Variants in KAT7 observed in about 807,000 individuals in gnomAD.
KAT7 encodes the protein histone acetyltransferase KAT7.
In KAT7, 10 loss-of-function variants were observed where a neutral mutation model predicts 82.1. The observed-to-expected ratio is 0.12, with a 90% confidence interval of 0.08 to 0.21. KAT7 has a LOEUF of 0.21. KAT7 is among the 10% of genes least tolerant of loss of function. KAT7 has a pLI of 1.00. For missense variants in KAT7, 378 were observed against 760.9 expected, an observed-to-expected ratio of 0.50 and a Z score of 5.92; for synonymous variants, 250 against 262.5, an observed-to-expected ratio of 0.95 and a Z score of 0.46.
At chr17:49,818,166 C>T (rs765767355) in intron 9 of KAT7, among the ~76,000 whole-genome samples, 155 bp downstream of exon 9, 12 of 152,116 alleles carry the variant, frequency 7.9e-5, no homozygotes, top group Non-Finnish European at 1.6e-4. Flanking sequence ...CAGCTTAAGG[C>T]GGGGTATAGA....
intron 2 of KAT7, among the ~76,000 whole-genome samples, chr17:49,795,838 G>A (rs1032309538): frequency 6.6e-6 from 1 of 152,102 alleles, no homozygotes; most frequent in Non-Finnish European, 1.5e-5. Flanking sequence ...TGTTTATAGG[G>A]CAGTTGTGGT....
intron 1 of KAT7, 123 bp downstream of exon 1, chr17:49,788,972 C>A: frequency 1.1e-6 from 1 of 907,126 alleles, no homozygotes; most frequent in Non-Finnish European, 1.6e-6. Context: ...CCTTGTTCAG[C>A]TACCCTCTCT....
At chr17:49,819,314 C>CT (rs1214146360) in intron 9 of KAT7, among the ~76,000 whole-genome samples, 1 of 152,068 alleles carries the variant, frequency 6.6e-6, no homozygotes, top group Admixed American at 6.6e-5. Context: ...CTGCATAGGG[C>CT]TAGAGTCATG....
At chr17:49,806,651 C>T (rs1165123145) in intron 5 of KAT7, among the ~76,000 whole-genome samples, 4 of 152,194 alleles carry the variant, frequency 2.6e-5, no homozygotes, top group Non-Finnish European at 5.9e-5. Context: ...TGATCTGATA[C>T]TATGGATGGT....
In KAT7 at chr17:49,809,156, G is replaced by C. The variant is rs375058247; in HGVS notation, c.701G>C (p.Arg234Thr). 2.0e-5 allele frequency: 33 copies of C among 1,614,036 alleles called. No individual in the cohort carries two copies. Among genetic ancestry groups the C allele is most frequent in the Non-Finnish European group, 2.3e-5 (27 of 1,180,008 alleles). Reference protein sequence around the residue: ...AQSRDKQIEERMLSHRQDDNN... With the variant: ...AQSRDKQIEETMLSHRQDDNN... ...AGCCGGGATAAGCAGATAGAAGAAA[G>C]GATGCTGTCTCACAGGCAAGATGAC... is the stretch of plus-strand genomic sequence containing the variant. Residue 234 changes from arginine (R) to threonine (T), a missense_variant, in exon 6 of 15, where the codon AGG (arginine) becomes ACG (threonine). Arg to Thr is a moderately conservative substitution (Grantham distance 71). Transcript: ENST00000259021.
rs1449862989 is a variant in KAT7, at chr17:49,821,429, A to G, written c.1245+3A>G. 6 of 1,611,828 alleles carry G rather than the reference A, an allele frequency of 3.7e-6. No homozygotes were observed. Among genetic ancestry groups the G allele is most frequent in the African/African-American group, 2.7e-5 (2 of 74,864 alleles). ...AAGTGGATGGCAAGAAAAACAAGGTAAAAAGTGGTGACTTTAGAAAGGAGT... is the reference window on the plus strand; with the variant it reads ...AAGTGGATGGCAAGAAAAACAAGGTGAAAAGTGGTGACTTTAGAAAGGAGT... On this transcript the variant is annotated splice_donor_region_variant and intron_variant, in intron 10 of 14. Coordinates refer to ENST00000259021, the MANE Select transcript of KAT7 (RefSeq NM_007067.5).
At chr17:49,825,736 T>G (rs2074361100) in intron 12 of KAT7, among the ~76,000 whole-genome samples, 1 of 152,210 alleles carries the variant, frequency 6.6e-6, no homozygotes, top group Non-Finnish European at 1.5e-5. Flanking sequence ...CCCACAGTTT[T>G]GGGCCTCCAC....
intron 8 of KAT7, 48 bp downstream of exon 8, chr17:49,815,961 A>T (rs373608261): frequency 4.6e-6 from 5 of 1,086,212 alleles, no homozygotes; most frequent in Non-Finnish European, 7.1e-6. Context: ...AAAGGTGCTT[A>T]GAGTTGCCAG....
At chr17:49,823,347 A>G (rs1186358108) in intron 12 of KAT7, 52 bp downstream of exon 12, 1 of 988,596 alleles carries the variant, frequency 1.0e-6, no homozygotes, top group African/African-American at 1.6e-5. Flanking sequence ...CCATGTGAAT[A>G]TTGTTTGTCT....
intron 3 of KAT7, 123 bp from the exon 4 acceptor site, chr17:49,798,196 G>A: frequency 1.2e-6 from 1 of 823,758 alleles, no homozygotes; most frequent in Non-Finnish European, 1.9e-6. Context: ...TCTAGCAGAT[G>A]AATAGCTGAA....
chr17:49,791,216 A>C (rs2073883910), intron 1 of KAT7, among the ~76,000 whole-genome samples: 1 of 152,188 alleles, frequency 6.6e-6, no homozygotes, highest in Admixed American at 6.5e-5. Context: ...AAAAAATGTG[A>C]TAGCTTTTCA....
chr17:49,817,588 T>A (rs2074250319), intron 8 of KAT7, among the ~76,000 whole-genome samples: 1 of 152,216 alleles, frequency 6.6e-6, no homozygotes, highest in Admixed American at 6.5e-5. Flanking sequence ...TGCCTTAGCC[T>A]CCCAAGTAGC....
chr17:49,812,447 A>T (rs1388010247), intron 7 of KAT7, among the ~76,000 whole-genome samples: 2 of 150,862 alleles, frequency 1.3e-5, no homozygotes, highest in Non-Finnish European at 1.5e-5. Flanking sequence ...CTGGTCTCGA[A>T]CTCCTGACCT....
intron 4 of KAT7, among the ~76,000 whole-genome samples, chr17:49,801,286 T>G (rs1190037695): frequency 3.3e-5 from 5 of 152,256 alleles, no homozygotes; most frequent in African/African-American, 1.2e-4. Flanking sequence ...CGGGCTCAAG[T>G]GATTCTCATG....
In KAT7 at chr17:49,817,822, G is replaced by A; in HGVS notation, c.966G>A (p.Glu322=). 6.2e-7 allele frequency: 1 copy of A among 1,611,168 alleles called. No individual in the cohort carries two copies. The highest frequency in any genetic ancestry group is 8.5e-7 in the Non-Finnish European group (1 of 1,179,092). ...GACTTTTGATTTCTTGGCAATAGGA[G>A]AAGTTAAGGCTGCAAGGCCAAATCA... ...RAQARASEDL[E]KLRLQGQITE... is the part of the protein sequence containing the mutation. The change falls in exon 9 of 15, where the codon GAG becomes GAA. Residue 322 remains glutamate, a splice_region_variant and synonymous_variant. Coordinates refer to ENST00000259021, the MANE Select transcript of KAT7 (RefSeq NM_007067.5).
chr17:49,830,195 TTTTTTTTTTTTTTA>T lies in KAT7; in HGVS notation c.*2694_*2707del, dbSNP rs2074412787. The T allele has an allele frequency of 7.1e-6, 1 of 140,158 alleles. No individual in the cohort carries two copies. Among genetic ancestry groups the T allele is most frequent in the Non-Finnish European group, 1.5e-5 (1 of 66,080 alleles). The allele number at this position is 140,158 out of a possible 1,614,324, so 8.7% of individuals were successfully genotyped here. On this transcript the variant is annotated 3_prime_UTR_variant, in exon 15 of 15. Transcript: ENST00000259021. Reference sequence around the variant, plus strand: ...ACCCGACCTATTTTTTTTTTTTTTTTTTTTTTTTTTTTTAAAAAAAGACAGTCTCACTCTATCAT... The same window carrying T: ...ACCCGACCTATTTTTTTTTTTTTTTTAAAAAAGACAGTCTCACTCTATCAT...
At chr17:49,803,173 A>G (rs986106707) in intron 4 of KAT7, among the ~76,000 whole-genome samples, 1 of 150,814 alleles carries the variant, frequency 6.6e-6, no homozygotes, top group Non-Finnish European at 1.5e-5. Context: ...CAATGATGTG[A>G]TCTTGGCTCA....
chr17:49,805,942 T>A (rs1310161879), intron 5 of KAT7, among the ~76,000 whole-genome samples: 2 of 152,250 alleles, frequency 1.3e-5, no homozygotes, highest in Non-Finnish European at 2.9e-5. Flanking sequence ...ATTCATCTTT[T>A]AAATTCTTGA....
At position 49,832,352 on chromosome 17, in the gene KAT7, C is replaced by G. The variant is rs560977630; in HGVS notation, c.*4850C>G. 4.6e-5 allele frequency: 7 copies of G among 152,222 alleles called. No homozygotes were observed. Among genetic ancestry groups the G allele is most frequent in the African/African-American group, 1.7e-4 (7 of 41,444 alleles). The allele number at this position is 152,222 out of a possible 1,614,324, so 9.4% of individuals were successfully genotyped here. On this transcript the variant is annotated 3_prime_UTR_variant, in exon 15 of 15. Coordinates refer to ENST00000259021, the MANE Select transcript of KAT7 (RefSeq NM_007067.5). ...TTTGTACTGATTTGTCCCTATAGTT[C>G]TGGGTGGGGTGGGTCAAAACAAAGT...
Sources: gnomAD v4.1 joint callset for allele counts (sites outside exome capture counted in the v4.1 genomes callset) on GRCh38, gnomAD v4.1.1 for gene constraint, MANE v1.5 for transcripts, NCBI Gene and HGNC (gene_info 2026-07-23, HGNC 2026-07-21) for gene names.